The following NRAP variants were observed in gnomAD, a reference collection of about 807,000 sequenced individuals.
The protein encoded by NRAP is nebulin-related-anchoring protein.
In NRAP, 189 loss-of-function variants were observed where a neutral mutation model predicts 225.9. The ratio of observed to expected loss-of-function variants is 0.84; its 90% CI spans 0.74 to 0.94. NRAP has a LOEUF of 0.94. Among genes scored for constraint, NRAP ranks in the 40% least tolerant of loss-of-function variants. NRAP has a pLI of 0.00. For missense variants in NRAP, 2,176 were observed against 2,168.7 expected (o/e 1.00, Z -0.07); for synonymous variants, 769 against 790.7 (o/e 0.97, Z 0.46).
At position 113,604,890 on chromosome 10, in the gene NRAP, G is replaced by A. The variant is rs760475597; in HGVS notation, c.3946C>T (p.Arg1316Ter). 1.5e-5 allele frequency: 25 copies of A among 1,613,684 alleles called. No homozygotes were observed. The highest frequency in any genetic ancestry group is 3.3e-5 in the Admixed American group (2 of 60,002). Reference protein sequence around the residue: ...FLYRHDFVKERGKLIGPQSVR... With the variant: ...FLYRHDFVKE ...CTCTGGGGCCCTATGAGTTTCCCTC[G>A]CTCCTTCACAAAGTCATGTCTGTAG... is the stretch of plus-strand genomic sequence containing the variant. Residue 1316 changes from arginine (R) to a stop codon, truncating the protein, a stop_gained, in exon 35 of 42, where the codon CGA becomes TGA. Coordinates refer to ENST00000359988, the MANE Select transcript of NRAP (RefSeq NM_198060.4). LOFTEE classifies it high-confidence loss of function.
At chr10:113,614,370 G>C in intron 28 of NRAP, 74 bp from the exon 29 acceptor site, 1 of 1,060,812 alleles carries the variant, frequency 9.4e-7, no homozygotes, top group Non-Finnish European at 1.5e-6. Flanking sequence ...TGGGCATTGG[G>C]TGAAAATGTT....
rs1293870946 is a variant in NRAP, at chr10:113,664,007, A to G, written c.-125T>C. 2.8e-6 allele frequency: 2 copies of G among 707,064 alleles called. No homozygotes were observed. The highest frequency in any genetic ancestry group is 2.3e-5 in the Admixed American group (1 of 43,986). 43.8% of individuals were successfully genotyped at this position (707,064 alleles called of 1,614,324 possible). A position where few individuals can be genotyped will look rare whatever the true frequency, so the allele number is the denominator to read the frequency against. On this transcript the variant is annotated 5_prime_UTR_variant, in exon 1 of 42. Coordinates refer to ENST00000359988, the MANE Select transcript of NRAP (RefSeq NM_198060.4). ...ATTCCTGTGGGCACCTCGATCTTTCAGAATCCAACTTCCACTTTCCTTTGC... is the reference window on the plus strand; with the variant it reads ...ATTCCTGTGGGCACCTCGATCTTTCGGAATCCAACTTCCACTTTCCTTTGC...
At chr10:113,633,216 GT>G (rs745978637) in intron 15 of NRAP, 28 bp from the exon 16 acceptor site, 1 of 1,276,678 alleles carries the variant, frequency 7.8e-7, no homozygotes, top group South Asian at 1.2e-5. Context: ...AATCTGTAGG[GT>G]TTTTATATGG....
intron 8 of NRAP, 31 bp downstream of exon 8, chr10:113,650,407 C>T (rs1287231562): frequency 7.3e-6 from 11 of 1,502,666 alleles, no homozygotes; most frequent in Non-Finnish European, 7.4e-6. Context: ...CTCTTTCTCC[C>T]TAACATGACC....
chr10:113,650,106 C>T lies in NRAP; in HGVS notation c.819G>A (p.Arg273=), dbSNP rs1382711581. 1 of 1,612,712 alleles carries T rather than the reference C, an allele frequency of 6.2e-7. No homozygotes were observed. The change falls in exon 9 of 42, where the codon AGG becomes AGA. Residue 273 remains arginine (R), a synonymous_variant. Transcript: ENST00000359988. Reference sequence around the variant, plus strand: ...CTCCAATGGCTGGACCAGCCATTCCCCTCATTTCTTTTTGATATTGTTGAT... The same window carrying T: ...CTCCAATGGCTGGACCAGCCATTCCTCTCATTTCTTTTTGATATTGTTGAT... ...RYHQQYQKEM[R]GMAGPAIGAE...
At chr10:113,597,839 C>A in intron 36 of NRAP, 130 bp downstream of exon 36, 1 of 709,288 alleles carries the variant, frequency 1.4e-6, no homozygotes. Context: ...TTGCACATGG[C>A]CCTCCAAAAA....
chr10:113,591,224 C>T (rs549594350), intron 39 of NRAP, among the ~76,000 whole-genome samples: 1 of 152,244 alleles, frequency 6.6e-6, no homozygotes, highest in Non-Finnish European at 1.5e-5. Context: ...GTAATTAATA[C>T]TCCAACAGGA....
At chr10:113,624,975 G>A (rs1226742478) in intron 21 of NRAP, 45 bp from the exon 22 acceptor site, 9 of 1,146,574 alleles carry the variant, frequency 7.8e-6, no homozygotes, top group Admixed American at 1.7e-5. Flanking sequence ...GCAAGGGCGA[G>A]GTGGGCAGGG....
intron 35 of NRAP, among the ~76,000 whole-genome samples, chr10:113,601,698 C>T (rs934216568): frequency 6.6e-6 from 1 of 152,132 alleles, no homozygotes; most frequent in Non-Finnish European, 1.5e-5. Context: ...GTGAAAATGT[C>T]CTTTCTTTTC....
At chr10:113,602,209 C>T (rs982902545) in intron 35 of NRAP, among the ~76,000 whole-genome samples, 2 of 152,182 alleles carry the variant, frequency 1.3e-5, no homozygotes, top group Non-Finnish European at 2.9e-5. Context: ...GAGATGGAGG[C>T]CTAGAAAGGG....
chr10:113,608,913 C>T (rs1352767694), intron 31 of NRAP, among the ~76,000 whole-genome samples: 1 of 152,206 alleles, frequency 6.6e-6, no homozygotes, highest in Non-Finnish European at 1.5e-5. Flanking sequence ...AATCCCAGCA[C>T]TTTAGGAGGC....
At chr10:113,633,292 T>C in intron 15 of NRAP, 104 bp from the exon 16 acceptor site, 1 of 667,632 alleles carries the variant, frequency 1.5e-6, no homozygotes, top group East Asian at 2.7e-5. Context: ...AGAAGGAGTT[T>C]CCAGAAAAGG....
In NRAP at chr10:113,615,607, C is replaced by A. The variant is rs1368009111; in HGVS notation, c.3078+105G>T. On this transcript the variant is annotated intron_variant, in intron 27 of 41. Transcript: ENST00000359988. Reference sequence around the variant, plus strand: ...ATATTTCAAGGTGGTGATGGCAGAACATGAAACCAGCTCAGGGGCTTCTGA... The same window carrying A: ...ATATTTCAAGGTGGTGATGGCAGAAAATGAAACCAGCTCAGGGGCTTCTGA... 3 of 728,612 alleles carry A rather than the reference C, an allele frequency of 4.1e-6. No homozygotes were observed. The African/African-American group carries it at 5.2e-5, about 13-fold the overall frequency. 45.1% of individuals were successfully genotyped at this position (728,612 alleles called of 1,614,324 possible).
chr10:113,627,332 A>C (rs1592800095), intron 20 of NRAP, among the ~76,000 whole-genome samples: 1 of 152,252 alleles, frequency 6.6e-6, no homozygotes, highest in South Asian at 2.1e-4. Flanking sequence ...CCAAGAAACT[A>C]CTCCGTACAG....
At chr10:113,629,553 G>A (rs1276634475) in intron 19 of NRAP, 35 bp downstream of exon 19, 4 of 1,412,482 alleles carry the variant, frequency 2.8e-6, no homozygotes, top group Non-Finnish European at 4.0e-6. Flanking sequence ...AACTGCAAGA[G>A]ATGCATGAAG....
At chr10:113,610,604 C>T (rs571621122) in intron 30 of NRAP, 41 bp from the exon 31 acceptor site, 18 of 1,295,812 alleles carry the variant, frequency 1.4e-5, no homozygotes, top group African/African-American at 1.2e-4. Flanking sequence ...AAAAGCCAAG[C>T]TCTCAGAACA....
intron 23 of NRAP, 39 bp downstream of exon 23, chr10:113,623,490 G>T (rs775281548): frequency 2.2e-6 from 3 of 1,342,628 alleles, no homozygotes; most frequent in Non-Finnish European, 3.2e-6. Context: ...AAAAAGGCAG[G>T]ATTCTGCGGT....
chr10:113,663,945 A>C lies in NRAP; in HGVS notation c.-63T>G, dbSNP rs2134238050. 2 of 1,248,538 alleles carry C rather than the reference A, an allele frequency of 1.6e-6. No individual in the cohort carries two copies. The highest frequency in any genetic ancestry group is 1.7e-5 in the Admixed American group (1 of 58,560). The allele number at this position is 1,248,538 out of a possible 1,614,324, so 77.3% of individuals were successfully genotyped here. On this transcript the variant is annotated 5_prime_UTR_variant, in exon 1 of 42. Transcript: ENST00000359988. ...GGCAAGAAATGCAAGGAGAACCCCC[A>C]GTCTAGTTCAAGTCTTCAAAATCCG...
chr10:113,633,957 TA>T (rs1848713697), intron 15 of NRAP, among the ~76,000 whole-genome samples, 154 bp downstream of exon 15: 1 of 152,142 alleles, frequency 6.6e-6, no homozygotes. Flanking sequence ...TTTTCCATAA[TA>T]AAAAGTTTAA....
Sources: gnomAD v4.1 joint callset for allele counts (sites outside exome capture counted in the v4.1 genomes callset) on GRCh38, gnomAD v4.1.1 for gene constraint, MANE v1.5 for transcripts, NCBI Gene and HGNC (gene_info 2026-07-23, HGNC 2026-07-21) for gene names.